The following LY86 variants were observed in gnomAD, a reference collection of about 807,000 sequenced individuals.
The protein encoded by LY86 is MD-1, RP105-associated.
In LY86, 20 loss-of-function variants were observed where a neutral mutation model predicts 17.3. The observed-to-expected ratio is 1.15, with a 90% confidence interval of 0.81 to 1.68. The LOEUF (loss-of-function observed/expected upper bound fraction) is 1.68. Ranked by LOEUF, LY86 falls within the 40% of genes most tolerant of loss-of-function variation. The pLI is 0.00. For synonymous variants in LY86, 74 were observed against 70.6 expected (o/e 1.05, Z -0.24); for missense variants, 200 against 191.9 (o/e 1.04, Z -0.25).
chr6:6,590,220 C>G (rs759203846), intron 1 of LY86, among the ~76,000 whole-genome samples: 5 of 151,686 alleles, frequency 3.3e-5, no homozygotes, highest in Non-Finnish European at 4.4e-5. Context: ...TTCCAAGACT[C>G]CCAGTGGATG....
intron 3 of LY86, among the ~76,000 whole-genome samples, chr6:6,643,882 A>C (rs1305590232): frequency 6.6e-6 from 1 of 152,246 alleles, no homozygotes; most frequent in Non-Finnish European, 1.5e-5. Flanking sequence ...CTGGGGCAAA[A>C]AAGAACACTG....
chr6:6,622,281 T>A (rs1030578704), intron 1 of LY86, among the ~76,000 whole-genome samples: 2 of 152,202 alleles, frequency 1.3e-5, no homozygotes, highest in Non-Finnish European at 2.9e-5. Context: ...TTTAAAATAT[T>A]GATAAACATA....
At chr6:6,621,874 C>CAAATATAA (rs1018736430) in intron 1 of LY86, among the ~76,000 whole-genome samples, 11 of 151,700 alleles carry the variant, frequency 7.3e-5, no homozygotes, top group African/African-American at 2.7e-4. Context: ...GGTATACAAA[C>CAAATATAA]AAATATAATG....
chr6:6,634,723 C>G (rs997209359), intron 3 of LY86, among the ~76,000 whole-genome samples: 4 of 152,202 alleles, frequency 2.6e-5, no homozygotes, highest in African/African-American at 9.7e-5. Flanking sequence ...ATTCAAAATT[C>G]TGTCTTAACA....
At chr6:6,603,887 G>A (rs1205302579) in intron 1 of LY86, among the ~76,000 whole-genome samples, 2 of 152,014 alleles carry the variant, frequency 1.3e-5, no homozygotes, top group Non-Finnish European at 2.9e-5. Flanking sequence ...AAAAGCAGGT[G>A]AGGAAGAAAA....
intron 1 of LY86, among the ~76,000 whole-genome samples, chr6:6,612,467 A>G (rs554453801): frequency 2.0e-5 from 3 of 152,226 alleles, no homozygotes; most frequent in African/African-American, 4.8e-5. Flanking sequence ...ACTTCATAAA[A>G]GCAATGCAGA....
At chr6:6,611,056 G>T (rs140151685) in intron 1 of LY86, among the ~76,000 whole-genome samples, 1 of 152,280 alleles carries the variant, frequency 6.6e-6, no homozygotes, top group Non-Finnish European at 1.5e-5. Context: ...TTCTAGGACC[G>T]TTAAGATCTG....
intron 4 of LY86, among the ~76,000 whole-genome samples, chr6:6,651,283 T>C (rs1193084082): frequency 6.6e-6 from 1 of 152,254 alleles, no homozygotes; most frequent in African/African-American, 2.4e-5. Context: ...AAAAGGTCTC[T>C]TTCTCCATAA....
chr6:6,640,742 AAAAG>A (rs1451217869), intron 3 of LY86, among the ~76,000 whole-genome samples: 1 of 152,134 alleles, frequency 6.6e-6, no homozygotes, highest in Non-Finnish European at 1.5e-5. Context: ...AAAAAAAAGA[AAAAG>A]AAAAGGAGGG....
rs150178488 is a variant in LY86 at position 6,606,907 on chromosome 6, G to A, written c.137-18019G>A. Reference sequence around the variant, plus strand: ...CGGCAGGCTGAAGGGCACCTCAAGCGTGGACAGAGTGGGCACCGAGGCCGA... The same window carrying A: ...CGGCAGGCTGAAGGGCACCTCAAGCATGGACAGAGTGGGCACCGAGGCCGA... On this transcript the variant is annotated intron_variant, in intron 1 of 4. Transcript: ENST00000230568. Among the ~76,000 whole-genome samples, 1,302 of 152,396 alleles carry A rather than the reference G, an allele frequency of 8.5e-3. 20 individuals carry two copies. Among genetic ancestry groups the A allele is most frequent in the Admixed American group, 0.027 (416 of 15,310 alleles).
intron 3 of LY86, among the ~76,000 whole-genome samples, chr6:6,637,573 A>G (rs1171464262): frequency 1.3e-5 from 2 of 152,192 alleles, no homozygotes; most frequent in Non-Finnish European, 2.9e-5. Context: ...TTGATGTAAT[A>G]ATCGTTTAGG....
At chr6:6,610,961 G>A (rs568620345) in intron 1 of LY86, among the ~76,000 whole-genome samples, 47 of 152,286 alleles carry the variant, frequency 3.1e-4, no homozygotes, top group Admixed American at 2.2e-3. Flanking sequence ...ATAGGAAGAA[G>A]ACAGAAGTCT....
chr6:6,614,609 C>T (rs1023914512), intron 1 of LY86, among the ~76,000 whole-genome samples: 2 of 152,180 alleles, frequency 1.3e-5, no homozygotes, highest in African/African-American at 2.4e-5. Flanking sequence ...TGTCCTGTCT[C>T]ATGCTCCCCA....
rs751259303 is a variant in LY86 at position 6,624,956 on chromosome 6, A to T, written c.167A>T (p.Glu56Val). 1 of 1,567,192 alleles carries T rather than the reference A, an allele frequency of 6.4e-7. No individual in the cohort carries two copies. Among genetic ancestry groups the T allele is most frequent in the South Asian group, 1.1e-5 (1 of 87,582 alleles). ...TTACAAGATTTTGGCTTTTCTGTTG[A>T]AAAGTGTTCCAAGCAATTAAAATCA... ...DPLQDFGFSVEKCSKQLKSNI... is the reference protein window; with the variant it reads ...DPLQDFGFSVVKCSKQLKSNI... The change falls in exon 2 of 5, where the codon GAA becomes GTA. Residue 56 changes from glutamate to valine, a missense_variant. Coordinates refer to ENST00000230568, the MANE Select transcript of LY86 (RefSeq NM_004271.4).
chr6:6,594,309 C>A (rs1760631450), intron 1 of LY86, among the ~76,000 whole-genome samples: 1 of 152,134 alleles, frequency 6.6e-6, no homozygotes, highest in African/African-American at 2.4e-5. Flanking sequence ...TAGGGATGAT[C>A]TTTATATTTT....
At chr6:6,619,861 G>A (rs1317454804) in intron 1 of LY86, among the ~76,000 whole-genome samples, 7 of 152,066 alleles carry the variant, frequency 4.6e-5, no homozygotes, top group Non-Finnish European at 8.8e-5. Context: ...CAGGGAGAGA[G>A]GGAAAGAATG....
In LY86 at chr6:6,636,763, G is replaced by T. The variant is rs184995771; in HGVS notation, c.352+10342G>T. 9.6e-4 allele frequency among the ~76,000 whole-genome samples: 146 copies of T among 151,926 alleles called. 2 individuals are homozygous for T. Among genetic ancestry groups the T allele is most frequent in the Non-Finnish European group, 7.4e-5 (5 of 67,958 alleles). Reference sequence around the variant, plus strand: ...TTCTTCCTTTCATGTATTATTCCTTGTCTCCAGACTTCAATGGTAGATTTC... The same window carrying T: ...TTCTTCCTTTCATGTATTATTCCTTTTCTCCAGACTTCAATGGTAGATTTC... On this transcript the variant is annotated intron_variant, in intron 3 of 4. Transcript: ENST00000230568.
chr6:6,612,954 T>C (rs1761425511), intron 1 of LY86, among the ~76,000 whole-genome samples: 1 of 151,832 alleles, frequency 6.6e-6, no homozygotes, highest in African/African-American at 2.4e-5. Context: ...TCACAAACTC[T>C]GAGCTAGACA....
chr6:6,645,719 G>A (rs1261703869), intron 3 of LY86, among the ~76,000 whole-genome samples: 2 of 151,802 alleles, frequency 1.3e-5, no homozygotes, highest in African/African-American at 2.4e-5. Flanking sequence ...GAGCCACACT[G>A]TGTCCAAACC....
Sources: gnomAD v4.1 joint callset for allele counts (sites outside exome capture counted in the v4.1 genomes callset) on GRCh38, gnomAD v4.1.1 for gene constraint, MANE v1.5 for transcripts, NCBI Gene and HGNC (gene_info 2026-07-23, HGNC 2026-07-21) for gene names.